Variants in MRTFB observed in about 807,000 individuals in gnomAD.
MRTFB encodes myocardin related transcription factor B.
MRTFB carries 29 observed loss-of-function variants against 104.2 expected under a neutral mutation model. That is an observed-to-expected ratio of 0.28 (90% CI 0.21 to 0.38). MRTFB has a LOEUF of 0.38. Ranked by LOEUF, MRTFB falls within the 10% of genes least tolerant of loss-of-function variation. The pLI is 1.00. For missense variants in MRTFB, 1,270 were observed against 1,341.6 expected, an observed-to-expected ratio of 0.95 and a Z score of 0.83; for synonymous variants, 535 against 519.5, an observed-to-expected ratio of 1.03 and a Z score of -0.41.
At chr16:14,035,953 C>T in the MRTFB span, among the ~76,000 whole-genome samples, 1 of 151,260 alleles carries the variant, frequency 6.6e-6, no homozygotes, top group African/African-American at 2.4e-5. Flanking sequence ...ACTTAGCTCC[C>T]ACTTATGAGT....
the MRTFB span, among the ~76,000 whole-genome samples, chr16:14,037,205 G>A: frequency 4.6e-5 from 7 of 152,288 alleles, no homozygotes; most frequent in South Asian, 2.1e-4. Context: ...GTCCTCATCC[G>A]TAGAAGGGCA....
At chr16:14,236,669 C>G (rs910455034) in intron 9 of MRTFB, among the ~76,000 whole-genome samples, 1 of 152,138 alleles carries the variant, frequency 6.6e-6, no homozygotes, top group Non-Finnish European at 1.5e-5. Context: ...GAAAATTTGA[C>G]CAAGGCAGCC....
chr16:14,236,507 G>A (rs933215817), intron 9 of MRTFB, among the ~76,000 whole-genome samples: 10 of 152,114 alleles, frequency 6.6e-5, no homozygotes, highest in African/African-American at 2.2e-4. Flanking sequence ...GAGTGTGCCG[G>A]GTGGTGATGA....
chr16:14,098,376 T>C (rs1465800865), intron 2 of MRTFB, among the ~76,000 whole-genome samples: 1 of 152,214 alleles, frequency 6.6e-6, no homozygotes, highest in African/African-American at 2.4e-5. Context: ...CAATAGTTGG[T>C]AAAGTATCAA....
At chr16:14,028,801 CTG>C in the MRTFB span, among the ~76,000 whole-genome samples, 3 of 151,760 alleles carry the variant, frequency 2.0e-5, no homozygotes, top group Admixed American at 6.6e-5. Context: ...TGTGCAGAAA[CTG>C]AGAACATTCA....
the MRTFB span, among the ~76,000 whole-genome samples, chr16:14,064,788 T>G: frequency 1.1e-4 from 17 of 152,188 alleles, no homozygotes; most frequent in South Asian, 2.1e-4. Context: ...ACTTTATTTC[T>G]GGGGGCTCTA....
At chr16:14,198,381 T>C (rs1309890706) in intron 3 of MRTFB, among the ~76,000 whole-genome samples, 2 of 152,232 alleles carry the variant, frequency 1.3e-5, no homozygotes, top group Non-Finnish European at 2.9e-5. Flanking sequence ...AAACTAAAAT[T>C]ATATTCAGTT....
At chr16:14,232,983 G>A (rs568848431) in intron 8 of MRTFB, among the ~76,000 whole-genome samples, 3 of 152,344 alleles carry the variant, frequency 2.0e-5, no homozygotes, top group Non-Finnish European at 4.4e-5. Flanking sequence ...TAAGGGTGGT[G>A]TAAGTAAGTC....
the MRTFB span, among the ~76,000 whole-genome samples, chr16:14,061,290 G>A: frequency 6.6e-6 from 1 of 152,246 alleles, no homozygotes; most frequent in Non-Finnish European, 1.5e-5. Flanking sequence ...CTCTGGCCCA[G>A]AAGAGATACT....
chr16:14,090,753 A>T (rs2035006428), intron 2 of MRTFB, among the ~76,000 whole-genome samples: 1 of 152,206 alleles, frequency 6.6e-6, no homozygotes, highest in Non-Finnish European at 1.5e-5. Context: ...CAGATATCTC[A>T]CAACAGCCTA....
rs1201191148 is a variant in MRTFB, at chr16:14,118,649, A to G, written c.-63-21895A>G. ...AAACCCCATCTCTACAAAAAATACA[A>G]AAATTAGCCTGGTGTGGTGGTGCAT... On this transcript the variant is annotated intron_variant, in intron 2 of 16. Transcript: ENST00000571589. Among the ~76,000 whole-genome samples, 17 of 151,828 alleles carry G rather than the reference A, an allele frequency of 1.1e-4. 1 individual carries two copies. Among genetic ancestry groups the G allele is most frequent in the Non-Finnish European group, 2.5e-4 (17 of 67,990 alleles).
At chr16:14,234,842 G>A (rs879926383) in intron 9 of MRTFB, among the ~76,000 whole-genome samples, 4 of 152,070 alleles carry the variant, frequency 2.6e-5, no homozygotes, top group Non-Finnish European at 5.9e-5. Flanking sequence ...GAAAGCCCTG[G>A]TTCTGCCACC....
chr16:14,003,255 G>A, the MRTFB span, among the ~76,000 whole-genome samples: 8 of 152,138 alleles, frequency 5.3e-5, no homozygotes, highest in Admixed American at 1.3e-4. Flanking sequence ...GGCGTGTGAC[G>A]AGTTTTTTGT....
At chr16:14,161,454 T>C (rs190063522) in intron 3 of MRTFB, among the ~76,000 whole-genome samples, 23 of 152,258 alleles carry the variant, frequency 1.5e-4, no homozygotes, top group Middle Eastern at 3.4e-3. Context: ...ATTGAACTCA[T>C]ACACAAAAAA....
At chr16:14,033,789 T>G in the MRTFB span, among the ~76,000 whole-genome samples, 1 of 140,050 alleles carries the variant, frequency 7.1e-6, no homozygotes. Context: ...TGTGCTGAGA[T>G]CGCGCCACTG....
chr16:14,227,177 G>A (rs937593714), intron 8 of MRTFB, among the ~76,000 whole-genome samples: 4 of 152,142 alleles, frequency 2.6e-5, no homozygotes, highest in Non-Finnish European at 4.4e-5. Flanking sequence ...CTAATGGGAT[G>A]CATTCGGGTC....
At chr16:14,120,524 G>T (rs988620745) in intron 2 of MRTFB, among the ~76,000 whole-genome samples, 4 of 152,052 alleles carry the variant, frequency 2.6e-5, no homozygotes, top group African/African-American at 9.7e-5. Flanking sequence ...GCACAAGCCA[G>T]TGTCACTGAT....
chr16:14,116,710 G>A (rs536889455), intron 2 of MRTFB, among the ~76,000 whole-genome samples: 15 of 152,114 alleles, frequency 9.9e-5, no homozygotes, highest in Non-Finnish European at 4.4e-5. Context: ...ATTGTAAGGT[G>A]TTTAGCAGCA....
the MRTFB span, among the ~76,000 whole-genome samples, chr16:14,017,771 C>T: frequency 1.5e-5 from 2 of 130,512 alleles, no homozygotes; most frequent in East Asian, 4.7e-4. Context: ...GGCTAGAGTG[C>T]ACTGTGTGAT....
Sources: allele counts gnomAD v4.1 joint callset (sites outside exome capture counted in the v4.1 genomes callset), GRCh38; gene constraint gnomAD v4.1.1; transcripts MANE v1.5; gene names NCBI Gene and HGNC (gene_info 2026-07-23, HGNC 2026-07-21).